Variants in VAC14 observed in about 807,000 individuals in gnomAD.
VAC14 encodes protein VAC14 homolog.
A neutral mutation model predicts 85.3 loss-of-function variants in VAC14; 47 were observed. The observed-to-expected ratio is 0.55, with a 90% CI of 0.44 to 0.70. The LOEUF is 0.70. Ranked by LOEUF, VAC14 falls within the 30% of genes least tolerant of loss-of-function variation. The pLI, the probability that VAC14 is intolerant of heterozygous loss-of-function variation, is 0.00. For synonymous variants in VAC14, 447 were observed against 430.5 expected (o/e 1.04, Z -0.47); for missense variants, 861 against 1,004.3 (o/e 0.86, Z 1.93).
chr16:70,756,583 G>A (rs938663955), intron 12 of VAC14, among the ~76,000 whole-genome samples: 2 of 152,198 alleles, frequency 1.3e-5, no homozygotes, highest in African/African-American at 2.4e-5. Context: ...TCTGCCACCA[G>A]TGAAGAGCCC....
Position 70,800,806 on chromosome 16 carries a change from T to A in VAC14, c.95A>T (p.Glu32Val). The change falls in exon 1 of 19, where the codon GAG (glutamate) becomes GTG (valine). Residue 32 changes from glutamate (E) to valine (V), a missense_variant. By Grantham distance (121) the Glu-to-Val change is moderately radical. Transcript: ENST00000261776. ...LYEKRKVAAL[E>V]IEKLVREFVA... ...TCCTGGCGGCTCTTACTTCTCGATC[T>A]CCAGCGCTGCCACCTTCCGCTTTTC... 6.2e-7 allele frequency: 1 copy of A among 1,609,890 alleles called. No homozygotes were observed. Among genetic ancestry groups the A allele is most frequent in the Non-Finnish European group, 8.5e-7 (1 of 1,178,142 alleles).
Position 70,772,103 on chromosome 16 carries a change from A to G in VAC14, c.1160+6T>C, listed in dbSNP as rs2033264540. 1 of 1,613,812 alleles carries G rather than the reference A, an allele frequency of 6.2e-7. No individual in the cohort carries two copies. The highest frequency in any genetic ancestry group is 1.7e-5 in the Admixed American group (1 of 60,002). On this transcript the variant is annotated splice_donor_region_variant and intron_variant, in intron 10 of 18. Coordinates refer to ENST00000261776, the MANE Select transcript of VAC14 (RefSeq NM_018052.5). ...ACAAACCTTCTGGCTGAAACAAGCC[A>G]CTTACCTGGCTGCAGTGAAGACACT...
chr16:70,738,963 T>C (rs895682621), intron 13 of VAC14, among the ~76,000 whole-genome samples: 10 of 152,104 alleles, frequency 6.6e-5, no homozygotes, highest in Admixed American at 6.5e-4. Context: ...CCAGGCAGCC[T>C]GAGATAAGCA....
intron 14 of VAC14, among the ~76,000 whole-genome samples, chr16:70,730,656 G>A (rs2054564910): frequency 6.7e-6 from 1 of 148,390 alleles, no homozygotes; most frequent in Admixed American, 6.7e-5. Flanking sequence ...GGAGTGCAGT[G>A]GTGTGATCTC....
intron 14 of VAC14, among the ~76,000 whole-genome samples, chr16:70,727,571 C>T (rs901994755): frequency 2.0e-5 from 3 of 152,210 alleles, no homozygotes; most frequent in Admixed American, 6.5e-5. Flanking sequence ...AACTCCTGAC[C>T]TCGTGATCCG....
chr16:70,728,604 G>A (rs1316788155), intron 14 of VAC14, among the ~76,000 whole-genome samples: 1 of 152,198 alleles, frequency 6.6e-6, no homozygotes, highest in Non-Finnish European at 1.5e-5. Flanking sequence ...GGGTGGGGAG[G>A]GCATGCAAGC....
At chr16:70,713,708 T>C (rs1054030387) in intron 14 of VAC14, among the ~76,000 whole-genome samples, 2 of 120,978 alleles carry the variant, frequency 1.7e-5, no homozygotes, top group African/African-American at 6.2e-5. Flanking sequence ...TCTTTGTTTT[T>C]GTTTTTTTTT....
At chr16:70,719,047 A>G (rs2054228245) in intron 14 of VAC14, among the ~76,000 whole-genome samples, 1 of 152,150 alleles carries the variant, frequency 6.6e-6, no homozygotes, top group South Asian at 2.1e-4. Context: ...AGTGGTTCCC[A>G]GCTCCAGGCT....
At position 70,736,096 on chromosome 16, in the gene VAC14, C is replaced by T. The variant is rs137894725; in HGVS notation, c.1529-4469G>A. On this transcript the variant is annotated intron_variant, in intron 13 of 18. Coordinates refer to ENST00000261776, the MANE Select transcript of VAC14 (RefSeq NM_018052.5). Reference sequence around the variant, plus strand: ...CACCCTGTTCACTGCAAGCTTCTCCCAGGTGCTTGTTTGGAGTGGGGAGAG... The same window carrying T: ...CACCCTGTTCACTGCAAGCTTCTCCTAGGTGCTTGTTTGGAGTGGGGAGAG... Among the ~76,000 whole-genome samples the T allele has an allele frequency of 3.6e-3, 554 of 152,318 alleles. 2 individuals carry two copies. The highest frequency in any genetic ancestry group is 0.014 in the South Asian group (69 of 4,824).
rs1567577349 is a variant in VAC14 at position 70,760,965 on chromosome 16, GTGT to G, written c.1371+1572_1371+1574del. ...AGGGGGTGGTGCACGAAGAGAGGGT[GTGT>G]GTGTGTGTGTGTGTGTGTGTGTGTG... is the stretch of plus-strand genomic sequence containing the variant. On this transcript the variant is annotated intron_variant, in intron 12 of 18. Coordinates refer to ENST00000261776, the MANE Select transcript of VAC14 (RefSeq NM_018052.5). Among the ~76,000 whole-genome samples, 259 of 60,726 alleles carry G rather than the reference GTGT, an allele frequency of 4.3e-3. 20 individuals are homozygous for G. The highest frequency in any genetic ancestry group is 0.015 in the African/African-American group (237 of 15,606). The allele number at this position is 60,726 out of a possible 152,430, so 39.8% of individuals were successfully genotyped here. A position where few individuals can be genotyped will look rare whatever the true frequency, so the allele number is the denominator to read the frequency against.
At chr16:70,690,194 C>T (rs1247588373) in intron 18 of VAC14, 1 of 985,336 alleles carries the variant, frequency 1.0e-6, no homozygotes, top group Non-Finnish European at 1.2e-6. Context: ...GGCAAGAAGT[C>T]CTGCTCCCTG....
intron 18 of VAC14, chr16:70,689,655 T>G: frequency 1.0e-6 from 1 of 985,714 alleles, no homozygotes; most frequent in Non-Finnish European, 1.2e-6. Flanking sequence ...TGTCTACGGC[T>G]GCGGCTGCTG....
chr16:70,800,543 C>G (rs1002490357), intron 1 of VAC14, among the ~76,000 whole-genome samples: 1 of 152,248 alleles, frequency 6.6e-6, no homozygotes, highest in Non-Finnish European at 1.5e-5. Context: ...ACTACCCATA[C>G]ATGATGTCAC....
At chr16:70,707,511 A>G (rs1309136294) in intron 14 of VAC14, among the ~76,000 whole-genome samples, 3 of 152,024 alleles carry the variant, frequency 2.0e-5, no homozygotes, top group East Asian at 3.9e-4. Context: ...GAGGTCCCAG[A>G]CACCTGTGCT....
rs376740048 is a variant in VAC14 at position 70,743,302 on chromosome 16, C to T, written c.1528+1121G>A. 2.0e-4 allele frequency among the ~76,000 whole-genome samples: 30 copies of T among 152,360 alleles called. 1 individual carries two copies. The highest frequency in any genetic ancestry group is 1.7e-3 in the East Asian group (9 of 5,184). On this transcript the variant is annotated intron_variant, in intron 13 of 18. Transcript: ENST00000261776. ...ACTCTGTAAAATGGACTAATCAGCA[C>T]TCTGCAAAATGGACCAATCAGCAGG...
intron 14 of VAC14, among the ~76,000 whole-genome samples, chr16:70,711,497 A>G (rs1169487573): frequency 6.6e-6 from 1 of 150,908 alleles, no homozygotes; most frequent in East Asian, 2.0e-4. Context: ...CTCTACCTTC[A>G]CGGTCCCGAG....
chr16:70,735,724 C>T (rs568918524), intron 13 of VAC14, among the ~76,000 whole-genome samples: 2 of 152,386 alleles, frequency 1.3e-5, no homozygotes, highest in South Asian at 4.1e-4. Context: ...TGAAGGAGCC[C>T]TGAGTGAGAA....
intron 1 of VAC14, among the ~76,000 whole-genome samples, chr16:70,787,893 C>G (rs1339645124): frequency 6.6e-6 from 1 of 152,200 alleles, no homozygotes; most frequent in African/African-American, 2.4e-5. Flanking sequence ...ATATGAAAGA[C>G]TGTCTTAAGG....
chr16:70,721,929 G>A (rs1597883266), intron 14 of VAC14, among the ~76,000 whole-genome samples: 1 of 152,156 alleles, frequency 6.6e-6, no homozygotes, highest in East Asian at 1.9e-4. Context: ...CACAGCACAG[G>A]AGCACAGGAC....
Sources: allele counts gnomAD v4.1 joint callset (sites outside exome capture counted in the v4.1 genomes callset), GRCh38; gene constraint gnomAD v4.1.1; transcripts MANE v1.5; gene names NCBI Gene and HGNC (gene_info 2026-07-23, HGNC 2026-07-21).